The following RTL4 variants were observed in gnomAD, a reference collection of about 807,000 sequenced individuals.
The protein encoded by RTL4 is retrotransposon Gag like 4.
In RTL4, 4 loss-of-function variants were observed where a neutral mutation model predicts 5.3. That is an observed-to-expected ratio of 0.75 (90% confidence interval 0.37 to 1.72). The LOEUF (loss-of-function observed/expected upper bound fraction) is 1.72, where lower values mean the gene tolerates loss of function less well. Ranked by LOEUF, RTL4 falls within the 40% of genes most tolerant of loss-of-function variation. The pLI, the probability that RTL4 is intolerant of heterozygous loss-of-function variation, is 0.04. For missense variants in RTL4, 260 were observed against 227.1 expected, an observed-to-expected ratio of 1.14 and a Z score of -0.93; for synonymous variants, 98 against 87.3, an observed-to-expected ratio of 1.12 and a Z score of -0.68.
the RTL4 span, among the ~76,000 whole-genome samples, chrX:112,398,425 A>G: frequency 3.0e-3 from 235 of 79,472 alleles, 1 homozygote; most frequent in African/African-American, 0.012. Context: ...TTTGAGACAG[A>G]GTCTCCCTCT....
At chrX:112,095,101 A>C in the RTL4 span, among the ~76,000 whole-genome samples, 397 of 111,674 alleles carry the variant, frequency 3.6e-3, 1 homozygote, top group African/African-American at 0.012. Context: ...AGAAAAAGGC[A>C]GGATTAACCT....
the RTL4 span, among the ~76,000 whole-genome samples, chrX:112,411,235 G>A: frequency 0.14 from 16,029 of 110,764 alleles, 1,015 homozygotes; most frequent in East Asian, 0.26. Context: ...GCAAACAGAA[G>A]CCAGGGAACT....
chrX:112,371,278 T>A, the RTL4 span, among the ~76,000 whole-genome samples: 1 of 111,279 alleles, frequency 9.0e-6, no homozygotes, highest in South Asian at 3.8e-4. Flanking sequence ...TTGGCATATC[T>A]CCTGTCAATG....
the RTL4 span, among the ~76,000 whole-genome samples, chrX:112,341,946 C>T: frequency 1.8e-5 from 2 of 111,532 alleles, no homozygotes; most frequent in Non-Finnish European, 1.9e-5. Flanking sequence ...CTATAGTACA[C>T]GGTGCCAGTG....
chrX:112,267,056 G>T, the RTL4 span, among the ~76,000 whole-genome samples: 1 of 111,387 alleles, frequency 9.0e-6, no homozygotes, highest in Non-Finnish European at 1.9e-5. Context: ...GAGCTCTACT[G>T]GTTCATTCCC....
the RTL4 span, among the ~76,000 whole-genome samples, chrX:112,287,307 G>A: frequency 1.8e-5 from 2 of 111,450 alleles, no homozygotes; most frequent in African/African-American, 6.5e-5. Context: ...CAAAATATTC[G>A]GAAATTCTGG....
chrX:112,437,802 ATGGTGGTGGTGGTGGTGGTGG>A, the RTL4 span, among the ~76,000 whole-genome samples: 610 of 77,004 alleles, frequency 7.9e-3, 6 homozygotes, highest in African/African-American at 0.027. Context: ...GGTGGTGGTG[ATGGTGGTGGTGGTGGTGGTGG>A]TGGTGGTGGT....
At chrX:112,119,281 T>G in the RTL4 span, among the ~76,000 whole-genome samples, 1 of 110,855 alleles carries the variant, frequency 9.0e-6, no homozygotes, top group Non-Finnish European at 1.9e-5. Context: ...GGTTGATTAC[T>G]GTGTTTTTTT....
the RTL4 span, among the ~76,000 whole-genome samples, chrX:112,402,542 C>T: frequency 2.7e-5 from 3 of 109,882 alleles, no homozygotes; most frequent in African/African-American, 9.9e-5. Flanking sequence ...CCTAAGTTTT[C>T]AGAAGCAAAT....
chrX:112,167,152 T>A, the RTL4 span, among the ~76,000 whole-genome samples: 1 of 112,242 alleles, frequency 8.9e-6, no homozygotes, highest in Non-Finnish European at 1.9e-5. Context: ...CCAAATCCCT[T>A]GTCCATTTAA....
chrX:112,432,023 T>A, the RTL4 span, among the ~76,000 whole-genome samples: 73 of 105,724 alleles, frequency 6.9e-4, no homozygotes, highest in Non-Finnish European at 1.3e-3. Flanking sequence ...GAATGATGAT[T>A]TCCAATTTCA....
At chrX:112,091,804 T>C in the RTL4 span, among the ~76,000 whole-genome samples, 1 of 111,412 alleles carries the variant, frequency 9.0e-6, no homozygotes, top group East Asian at 2.8e-4. Context: ...TCTGTCTTCA[T>C]CTATCTATTA....
the RTL4 span, among the ~76,000 whole-genome samples, chrX:112,344,188 A>C: frequency 1.6e-3 from 174 of 111,519 alleles, 5 homozygotes; most frequent in East Asian, 0.044. Context: ...GTGTCATTGT[A>C]ACCAAACTTT....
chrX:112,264,046 A>G, the RTL4 span, among the ~76,000 whole-genome samples: 1 of 111,709 alleles, frequency 9.0e-6, no homozygotes, highest in Non-Finnish European at 1.9e-5. Context: ...TCAATGAAAT[A>G]AGAGGCTTAG....
chrX:112,404,407 A>C, the RTL4 span, among the ~76,000 whole-genome samples: 3 of 110,878 alleles, frequency 2.7e-5, no homozygotes, highest in Non-Finnish European at 5.7e-5. Context: ...TGTAACCTCT[A>C]CTCTAAGTTG....
chrX:112,411,960 G>A, the RTL4 span, among the ~76,000 whole-genome samples: 1 of 110,594 alleles, frequency 9.0e-6, no homozygotes, highest in Non-Finnish European at 1.9e-5. Context: ...AAAACCTAAA[G>A]ACTCCACCAA....
the RTL4 span, among the ~76,000 whole-genome samples, chrX:112,419,624 T>TA: frequency 4.0e-5 from 4 of 100,975 alleles, no homozygotes; most frequent in Admixed American, 1.1e-4. Flanking sequence ...TATATATATA[T>TA]TTAAGTATGT....
At chrX:112,112,725 C>A in the RTL4 span, among the ~76,000 whole-genome samples, 1 of 111,626 alleles carries the variant, frequency 9.0e-6, no homozygotes, top group African/African-American at 3.3e-5. Context: ...TGAGAAGTGG[C>A]CTAGATCTTG....
At chrX:112,328,345 A>G in the RTL4 span, among the ~76,000 whole-genome samples, 1 of 111,261 alleles carries the variant, frequency 9.0e-6, no homozygotes, top group Non-Finnish European at 1.9e-5. Flanking sequence ...AAAAAAAGGC[A>G]GGGGTTGCAA....
Sources: gnomAD v4.1 joint callset for allele counts (sites outside exome capture counted in the v4.1 genomes callset) on GRCh38, gnomAD v4.1.1 for gene constraint, MANE v1.5 for transcripts, NCBI Gene and HGNC (gene_info 2026-07-23, HGNC 2026-07-21) for gene names.